Variants in CTCFL observed in about 807,000 individuals in gnomAD.
CTCFL encodes transcriptional repressor CTCFL.
Under a neutral mutation model 67.4 loss-of-function variants are expected in CTCFL, and 36 were observed. The ratio of observed to expected loss-of-function variants is 0.53; its 90% CI spans 0.41 to 0.71. The LOEUF (loss-of-function observed/expected upper bound fraction) is 0.71. Ranked by LOEUF, CTCFL falls within the 30% of genes least tolerant of loss-of-function variation. The probability of loss-of-function intolerance (pLI) is 0.00; values close to 1 mark genes in which losing one functional copy is unlikely to be tolerated. For missense variants in CTCFL, 786 were observed against 835.2 expected, an observed-to-expected ratio of 0.94 and a Z score of 0.73; for synonymous variants, 324 against 302.3, an observed-to-expected ratio of 1.07 and a Z score of -0.75.
intron 7 of CTCFL, chr20:57,513,801 AT>A (rs11364370): frequency 0.067 from 85,051 of 1,276,802 alleles, 2,982 homozygotes; most frequent in Middle Eastern, 0.082. Flanking sequence ...CTGCTAACAT[AT>A]TTTTGTGTAT....
rs543421469 is a variant in CTCFL at position 57,524,663 on chromosome 20, G to A, written c.-12+365C>T. 107 of 1,004,622 alleles carry A rather than the reference G, an allele frequency of 1.1e-4. No homozygotes were observed. The African/African-American group carries it at 1.8e-3, about 17-fold the overall frequency. 62.2% of individuals were successfully genotyped at this position (1,004,622 alleles called of 1,614,324 possible). On this transcript the variant is annotated intron_variant, in intron 1 of 10. Transcript: ENST00000243914. ...GCCTAGCAAGTTTCAGGTCCAAGCA[G>A]GCCCCGGGCCAGTGCACACCCGGCG...
intron 9 of CTCFL, 104 bp downstream of exon 9, chr20:57,508,502 G>T: frequency 9.2e-7 from 1 of 1,081,416 alleles, no homozygotes; most frequent in Non-Finnish European, 1.3e-6. Flanking sequence ...CTGAAGTCCT[G>T]GCAGGTTTCT....
intron 8 of CTCFL, among the ~76,000 whole-genome samples, chr20:57,510,784 A>G (rs998062227): frequency 2.6e-5 from 4 of 152,182 alleles, no homozygotes; most frequent in East Asian, 1.9e-4. Context: ...AATGGCGTGA[A>G]CCCAGGAGGT....
intron 9 of CTCFL, among the ~76,000 whole-genome samples, chr20:57,505,412 C>A (rs1317199393): frequency 2.0e-5 from 3 of 151,632 alleles, no homozygotes; most frequent in Non-Finnish European, 3.0e-5. Flanking sequence ...TGTGCCACCA[C>A]GCCCGGCTAA....
chr20:57,515,615 A>AC (rs777264793), intron 6 of CTCFL, 99 bp downstream of exon 6: 2 of 1,511,966 alleles, frequency 1.3e-6, no homozygotes, highest in Non-Finnish European at 1.8e-6. Context: ...ATCCACTTTT[A>AC]CCTTTGAACT....
chr20:57,507,825 C>T (rs1195756153), intron 9 of CTCFL: 1 of 703,010 alleles, frequency 1.4e-6, no homozygotes. Flanking sequence ...GGTTTTAAGC[C>T]ACTCCATTTT....
Position 57,518,741 on chromosome 20 carries a change from T to G in CTCFL, c.1059+17A>C. ...TACTAAGATGCCATGAAGCTTCAAG[T>G]CCAAGAATGGCTTTACCTCCACACT... On this transcript the variant is annotated intron_variant, in intron 5 of 10. Transcript: ENST00000243914. The G allele has an allele frequency of 6.2e-7, 1 of 1,614,152 alleles. No homozygotes were observed. The highest frequency in any genetic ancestry group is 8.5e-7 in the Non-Finnish European group (1 of 1,180,014).
At chr20:57,501,340 G>A (rs1312101253) in intron 10 of CTCFL, among the ~76,000 whole-genome samples, 8 of 146,192 alleles carry the variant, frequency 5.5e-5, no homozygotes, top group Non-Finnish European at 1.1e-4. Context: ...TACGGAGCAT[G>A]TTTAAGGCTG....
At chr20:57,505,408 ACCACGC>A (rs949817945) in intron 9 of CTCFL, among the ~76,000 whole-genome samples, 1 of 151,640 alleles carries the variant, frequency 6.6e-6, no homozygotes, top group African/African-American at 2.4e-5. Context: ...GGCATGTGCC[ACCACGC>A]CCGGCTAATT....
chr20:57,507,145 G>T, intron 9 of CTCFL: 2 of 654,322 alleles, frequency 3.1e-6, no homozygotes, highest in Non-Finnish European at 3.8e-6. Flanking sequence ...TTCCCCACTC[G>T]AGTGTGGGTG....
intron 2 of CTCFL, 59 bp from the exon 3 acceptor site, chr20:57,523,337 G>A: frequency 2.0e-6 from 3 of 1,480,910 alleles, no homozygotes; most frequent in Non-Finnish European, 2.8e-6. Context: ...TTAGACTTTT[G>A]CCTGGATGAA....
rs147244405 is a variant in CTCFL at position 57,524,054 on chromosome 20, C to A, written c.152G>T (p.Arg51Leu). The change falls in exon 2 of 11, where the codon CGT becomes CTT. Residue 51 changes from arginine (R) to leucine (L), a missense_variant. Physicochemically the swap from Arg to Leu is moderately radical, Grantham distance 102. Transcript: ENST00000243914. Reference sequence around the variant, plus strand: ...GCTGTCCTGGAAGGCCCCAGAGGTACGCTCGGCCTCCAACTCACTAGGGCT... The same window carrying A: ...GCTGTCCTGGAAGGCCCCAGAGGTAAGCTCGGCCTCCAACTCACTAGGGCT... ...HRSPSELEAE[R>L]TSGAFQDSVL... The A allele has an allele frequency of 1.2e-6, 2 of 1,613,658 alleles. No individual in the cohort carries two copies. The highest frequency in any genetic ancestry group is 2.2e-5 in the South Asian group (2 of 91,082).
At position 57,523,138 on chromosome 20, in the gene CTCFL, C is replaced by T. The variant is rs1031295520; in HGVS notation, c.684G>A (p.Glu228=). 9 of 1,613,880 alleles carry T rather than the reference C, an allele frequency of 5.6e-6. No homozygotes were observed. Among genetic ancestry groups the T allele is most frequent in the Non-Finnish European group, 7.6e-6 (9 of 1,180,018 alleles). Residue 228 remains glutamate (E), a synonymous_variant, in exon 3 of 11, where the codon GAG becomes GAA. Coordinates refer to ENST00000243914, the MANE Select transcript of CTCFL (RefSeq NM_001386993.1). ...CTGCTTGACCAGCTGTAGGTTGATC[C>T]TCTTGTTCTTCCACATTTGAATTTG... ...TVSNSNVEEQ[E]DQPTAGQADA...
intron 2 of CTCFL, among the ~76,000 whole-genome samples, 176 bp from the exon 3 acceptor site, chr20:57,523,454 T>A (rs373552163): frequency 2.0e-4 from 31 of 152,206 alleles, no homozygotes; most frequent in African/African-American, 7.0e-4. Flanking sequence ...TTTTAAAACA[T>A]AATGCGCCTT....
intron 8 of CTCFL, among the ~76,000 whole-genome samples, chr20:57,511,559 T>C (rs1218886389): frequency 1.3e-5 from 2 of 151,892 alleles, no homozygotes. Context: ...TCACACAATA[T>C]AAAAGTTGCT....
intron 10 of CTCFL, among the ~76,000 whole-genome samples, chr20:57,500,568 G>C (rs2067863173): frequency 6.6e-6 from 1 of 152,158 alleles, no homozygotes; most frequent in South Asian, 2.1e-4. Flanking sequence ...GGATAACACA[G>C]GCTACAAAGA....
At chr20:57,514,410 GC>G (rs2068766644) in intron 7 of CTCFL, among the ~76,000 whole-genome samples, 181 bp downstream of exon 7, 1 of 152,184 alleles carries the variant, frequency 6.6e-6, no homozygotes, top group African/African-American at 2.4e-5. Flanking sequence ...GCTATAAAAT[GC>G]ACTTATGAGA....
At chr20:57,501,534 G>A (rs1316677848) in intron 10 of CTCFL, among the ~76,000 whole-genome samples, 2 of 152,184 alleles carry the variant, frequency 1.3e-5, no homozygotes, top group Admixed American at 6.5e-5. Context: ...AACATCATTG[G>A]TATAAAGGAA....
At chr20:57,501,423 G>T (rs954267768) in intron 10 of CTCFL, among the ~76,000 whole-genome samples, 3 of 151,750 alleles carry the variant, frequency 2.0e-5, no homozygotes, top group Non-Finnish European at 4.4e-5. Context: ...TGCTCATCTG[G>T]GGGGTGGGTT....
Sources: gnomAD v4.1 joint callset for allele counts (sites outside exome capture counted in the v4.1 genomes callset) on GRCh38, gnomAD v4.1.1 for gene constraint, MANE v1.5 for transcripts, NCBI Gene and HGNC (gene_info 2026-07-23, HGNC 2026-07-21) for gene names.